The following STAC2 variants were observed in gnomAD, a reference collection of about 807,000 sequenced individuals.
STAC2 encodes SH3 and cysteine-rich domain-containing protein 2.
STAC2 carries 36 observed loss-of-function variants against 49.0 expected under a neutral mutation model. The observed-to-expected ratio is 0.74, with a 90% CI of 0.56 to 0.97. The LOEUF is 0.97. STAC2 is among the 50% of genes least tolerant of loss of function. STAC2 has a pLI of 0.00. For missense variants in STAC2, 527 were observed against 543.8 expected, an observed-to-expected ratio of 0.97 and a Z score of 0.31; for synonymous variants, 239 against 214.7, an observed-to-expected ratio of 1.11 and a Z score of -0.99.
At chr17:39,213,654 C>A in intron 8 of STAC2, 96 bp from the exon 9 acceptor site, 9 of 941,872 alleles carry the variant, frequency 9.6e-6, no homozygotes, top group Non-Finnish European at 1.5e-5. Flanking sequence ...CTGCAGTCCT[C>A]AGCTGGGAGA....
At chr17:39,217,276 G>T in intron 2 of STAC2, 103 bp from the exon 3 acceptor site, 1 of 1,165,914 alleles carries the variant, frequency 8.6e-7, no homozygotes, top group Non-Finnish European at 1.2e-6. Flanking sequence ...GCATTCTCAT[G>T]CCAGCCTTGA....
At chr17:39,221,312 G>A (rs2046460570) in intron 1 of STAC2, among the ~76,000 whole-genome samples, 1 of 151,762 alleles carries the variant, frequency 6.6e-6, no homozygotes, top group African/African-American at 2.4e-5. Flanking sequence ...TATTGGCTAG[G>A]CTGCTCTCGA....
chr17:39,215,100 C>A lies in STAC2; in HGVS notation c.699+18G>T, dbSNP rs558471759. ...AGACACCCCTCCCCAAAAGACCCCC[C>A]CTTTTTGCCCACCATACCAGGCTCC... On this transcript the variant is annotated intron_variant, in intron 5 of 10. Transcript: ENST00000333461. 72 of 1,613,968 alleles carry A rather than the reference C, an allele frequency of 4.5e-5. No homozygotes were observed. The highest frequency in any genetic ancestry group is 5.9e-5 in the Non-Finnish European group (70 of 1,180,032).
intron 1 of STAC2, among the ~76,000 whole-genome samples, chr17:39,223,648 T>G (rs1019235450): frequency 7.9e-5 from 12 of 152,048 alleles, no homozygotes; most frequent in African/African-American, 2.9e-4. Context: ...TACCCCACAC[T>G]CCTGCCCGCC....
rs147042988 is a variant in STAC2 at position 39,212,361 on chromosome 17, G to A, written c.1167C>T (p.Asp389=). ...CVGVGRSKDA[D]GFIRVSSGKK... Reference sequence around the variant, plus strand: ...TGCCACTGCTGACGCGGATGAAGCCGTCAGCATCCTTGCTTCTGCCCACGC... The same window carrying A: ...TGCCACTGCTGACGCGGATGAAGCCATCAGCATCCTTGCTTCTGCCCACGC... Residue 389 remains aspartate, a synonymous_variant, in exon 11 of 11, where the codon GAC becomes GAT. Coordinates refer to ENST00000333461, the MANE Select transcript of STAC2 (RefSeq NM_198993.5). 1.8e-5 allele frequency: 29 copies of A among 1,611,908 alleles called. No homozygotes were observed. The highest frequency in any genetic ancestry group is 1.2e-4 in the Admixed American group (7 of 59,832).
At chr17:39,223,758 G>A (rs1597738927) in intron 1 of STAC2, among the ~76,000 whole-genome samples, 1 of 152,210 alleles carries the variant, frequency 6.6e-6, no homozygotes, top group African/African-American at 2.4e-5. Flanking sequence ...AGGCAAGCAG[G>A]GGGACTGTGT....
At position 39,210,649 on chromosome 17, in the gene STAC2, G is replaced by GC. The variant is rs974890898; in HGVS notation, c.*1642_*1643insG. The GC allele has an allele frequency of 1.4e-4, 21 of 152,452 alleles. No homozygotes were observed. Among genetic ancestry groups the GC allele is most frequent in the African/African-American group, 3.9e-4 (16 of 41,262 alleles). The allele number at this position is 152,452 out of a possible 1,614,324, so 9.4% of individuals were successfully genotyped here. On this transcript the variant is annotated 3_prime_UTR_variant, in exon 11 of 11. Coordinates refer to ENST00000333461, the MANE Select transcript of STAC2 (RefSeq NM_198993.5). ...GGGCCCGCCCCTGGGATATTGCTGG[G>GC]GGGGGGGGCCTCATGGCAGCAAACA...
chr17:39,213,579 GT>G, intron 8 of STAC2, 21 bp from the exon 9 acceptor site: 1 of 1,613,280 alleles, frequency 6.2e-7, no homozygotes, highest in African/African-American at 1.3e-5. Context: ...CAGAGCTAGG[GT>G]TGCATATGGA....
chr17:39,218,025 G>C lies in STAC2; in HGVS notation c.239C>G (p.Pro80Arg), dbSNP rs952472797. The C allele has an allele frequency of 6.9e-6, 11 of 1,589,982 alleles. No individual in the cohort carries two copies. The highest frequency in any genetic ancestry group is 1.7e-5 in the Admixed American group (1 of 57,212). The change falls in exon 2 of 11, where the codon CCA becomes CGA. Residue 80 changes from proline to arginine, a missense_variant. Pro to Arg is a moderately radical substitution (Grantham distance 103). Coordinates refer to ENST00000333461, the MANE Select transcript of STAC2 (RefSeq NM_198993.5). ...PPTPLPPPSPPPTASDRGLAT... is the reference protein window; with the variant it reads ...PPTPLPPPSPRPTASDRGLAT... ...CAGGCCCCTGTCCGAGGCTGTGGGT[G>C]GTGGGGAGGGAGGGGGCAGTGGGGT...
chr17:39,216,138 A>G (rs2046399902), intron 4 of STAC2, among the ~76,000 whole-genome samples: 1 of 152,118 alleles, frequency 6.6e-6, no homozygotes, highest in African/African-American at 2.4e-5. Context: ...AGATGAAGAC[A>G]GCGAGCTTTT....
At chr17:39,215,834 G>A (rs753438166) in intron 4 of STAC2, among the ~76,000 whole-genome samples, 7 of 152,052 alleles carry the variant, frequency 4.6e-5, no homozygotes, top group Admixed American at 1.3e-4. Context: ...TGGGATTACA[G>A]GAGCCTGACA....
intron 1 of STAC2, among the ~76,000 whole-genome samples, chr17:39,218,971 C>A (rs1235832235): frequency 6.6e-6 from 1 of 151,894 alleles, no homozygotes; most frequent in African/African-American, 2.4e-5. Flanking sequence ...TCTCTCTAGC[C>A]CTCCCCTCCC....
Position 39,220,129 on chromosome 17 carries a change from A to T in STAC2, c.91-1956T>A, listed in dbSNP as rs187162757. Among the ~76,000 whole-genome samples, 172 of 152,344 alleles carry T rather than the reference A, an allele frequency of 1.1e-3. 1 individual carries two copies. The highest frequency in any genetic ancestry group is 3.8e-3 in the African/African-American group (159 of 41,588). ...TTCCAAACCCAGCTTCCTGGATAGC[A>T]CTGTGGGCTTCTTTGTGTATCTATG... On this transcript the variant is annotated intron_variant, in intron 1 of 10. Transcript: ENST00000333461.
intron 2 of STAC2, 21 bp downstream of exon 2, chr17:39,217,846 C>T (rs370635449): frequency 2.5e-6 from 4 of 1,586,640 alleles, no homozygotes; most frequent in Non-Finnish European, 3.4e-6. Context: ...CCCGTGGCCG[C>T]CTCAGTGCCC....
chr17:39,220,405 C>T (rs2046449998), intron 1 of STAC2, among the ~76,000 whole-genome samples: 1 of 152,112 alleles, frequency 6.6e-6, no homozygotes, highest in Non-Finnish European at 1.5e-5. Flanking sequence ...ACTAAACCTA[C>T]TGCCTGAAGG....
chr17:39,214,379 C>T, intron 7 of STAC2, 49 bp from the exon 8 acceptor site: 1 of 1,610,600 alleles, frequency 6.2e-7, no homozygotes, highest in East Asian at 2.2e-5. Context: ...ACCCTCACTC[C>T]CCCCACTCTC....
In STAC2 at chr17:39,214,315, G is replaced by T. The variant is rs1244644632; in HGVS notation, c.859C>A (p.Leu287Met). 1 of 1,613,890 alleles carries T rather than the reference G, an allele frequency of 6.2e-7. No individual in the cohort carries two copies. Among genetic ancestry groups the T allele is most frequent in the African/African-American group, 1.3e-5 (1 of 74,922 alleles). The change falls in exon 8 of 11, where the codon CTG (leucine) becomes ATG (methionine). Residue 287 changes from leucine (L) to methionine (M), a missense_variant. Transcript: ENST00000333461. ...SPGQQLPKAT[L>M]RKDVGPMYSY... ...TACATGGGCCCCACATCCTTCCGCA[G>T]GGTGGCTTTGGGGAGCTGCGGGAGA...
chr17:39,225,380 G>T lies in STAC2; in HGVS notation c.90+33C>A. 1 of 1,566,842 alleles carries T rather than the reference G, an allele frequency of 6.4e-7. No individual in the cohort carries two copies. The highest frequency in any genetic ancestry group is 2.4e-5 in the East Asian group (1 of 41,626). On this transcript the variant is annotated intron_variant, in intron 1 of 10. Transcript: ENST00000333461. This position sits in a 1 kb window ranked among gnomAD's most constrained non-coding sequence, Gnocchi z 8.2. ...GCCGGGAAGAGGGCGCCCGGGCCCG[G>T]GGCGCGGACAGGCCTTGCGCCCCCC... is the stretch of plus-strand genomic sequence containing the variant.
intron 1 of STAC2, among the ~76,000 whole-genome samples, chr17:39,221,159 G>A (rs575387249): frequency 5.7e-4 from 86 of 149,990 alleles, no homozygotes; most frequent in Non-Finnish European, 1.0e-3. Flanking sequence ...GCAGTGGCAC[G>A]GTCTCAGCTC....
Sources: allele counts gnomAD v4.1 joint callset (sites outside exome capture counted in the v4.1 genomes callset), GRCh38; gene constraint gnomAD v4.1.1; non-coding constraint Gnocchi (gnomAD v3.1); transcripts MANE v1.5; gene names NCBI Gene and HGNC (gene_info 2026-07-23, HGNC 2026-07-21).